SLIT1: variants seen among roughly 807,000 people sequenced by gnomAD.
SLIT1 encodes the protein slit guidance ligand 1.
In SLIT1, 66 loss-of-function variants were observed where a neutral mutation model predicts 186.1. The observed-to-expected ratio is 0.35, with a 90% CI of 0.29 to 0.44. SLIT1 has a LOEUF of 0.44. SLIT1 is among the 20% of genes least tolerant of loss of function. The pLI, the probability that SLIT1 is intolerant of heterozygous loss-of-function variation, is 1.00. For missense variants in SLIT1, 1,638 were observed against 2,037.4 expected (o/e 0.80, Z 3.77); for synonymous variants, 761 against 833.8 (o/e 0.91, Z 1.50).
chr10:97,014,922 G>A (rs1848442111), intron 28 of SLIT1, among the ~76,000 whole-genome samples: 1 of 151,912 alleles, frequency 6.6e-6, no homozygotes, highest in Non-Finnish European at 1.5e-5. Flanking sequence ...CTTCTATAGG[G>A]GCCCTGCCCA....
intron 4 of SLIT1, among the ~76,000 whole-genome samples, chr10:97,105,452 T>A (rs957539717): frequency 6.6e-6 from 1 of 152,168 alleles, no homozygotes; most frequent in Non-Finnish European, 1.5e-5. Context: ...CCCAAGGCCC[T>A]CCTTGCCAAG....
chr10:97,138,932 C>G (rs549242512), intron 4 of SLIT1, among the ~76,000 whole-genome samples: 4 of 152,338 alleles, frequency 2.6e-5, no homozygotes, highest in African/African-American at 9.6e-5. Context: ...TTACATCACC[C>G]TCTTGAGAAT....
intron 14 of SLIT1, among the ~76,000 whole-genome samples, chr10:97,048,495 C>T (rs1298428250): frequency 6.6e-6 from 1 of 152,182 alleles, no homozygotes; most frequent in East Asian, 1.9e-4. Context: ...AGAGAACTGG[C>T]TAAAAGTGGA....
intron 12 of SLIT1, among the ~76,000 whole-genome samples, chr10:97,056,910 C>G (rs1848842174): frequency 6.6e-6 from 1 of 152,178 alleles, no homozygotes; most frequent in South Asian, 2.1e-4. Context: ...CTGGGTGTCC[C>G]CCCTGCAGGA....
chr10:97,002,720 G>A lies in SLIT1; in HGVS notation c.4138C>T (p.Pro1380Ser). The A allele has an allele frequency of 6.3e-7, 1 of 1,581,652 alleles. No homozygotes were observed. The highest frequency in any genetic ancestry group is 1.1e-5 in the South Asian group (1 of 87,384). Residue 1380 changes from proline to serine, a missense_variant, in exon 35 of 37, where the codon CCC (proline) becomes TCC (serine). Pro to Ser is a moderately conservative substitution (Grantham distance 74, BLOSUM62 -1). Transcript: ENST00000266058. ...CAGGCTCACTTGTGGCCATGGCAGG[G>A]GCCGTCAGCGGGCTGGTCACAGTGC... ...GLHCDQPADGPCHGHKCVHGQ... is the reference protein window; with the variant it reads ...GLHCDQPADGSCHGHKCVHGQ...
intron 1 of SLIT1, among the ~76,000 whole-genome samples, chr10:97,169,256 C>T (rs1276815316): frequency 2.0e-5 from 3 of 152,318 alleles, no homozygotes; most frequent in Admixed American, 1.3e-4. Flanking sequence ...AGCTTAATGC[C>T]TCCTCTCAGG....
chr10:97,072,414 T>C (rs1027369706), intron 4 of SLIT1, among the ~76,000 whole-genome samples: 1 of 152,204 alleles, frequency 6.6e-6, no homozygotes, highest in Non-Finnish European at 1.5e-5. Flanking sequence ...TCCTCCCTCC[T>C]CAGCCTCCCA....
chr10:97,079,358 A>C (rs939532304), intron 4 of SLIT1, among the ~76,000 whole-genome samples: 1 of 152,188 alleles, frequency 6.6e-6, no homozygotes, highest in African/African-American at 2.4e-5. Flanking sequence ...TGCTGGTTAC[A>C]TGAGTGTGTT....
At chr10:97,155,517 G>A (rs1849938174) in intron 4 of SLIT1, 1 of 152,252 alleles carries the variant, frequency 6.6e-6, no homozygotes. Context: ...AAATGAATAT[G>A]GCTGGAGATG....
In SLIT1 at chr10:97,013,799, G is replaced by T; in HGVS notation, c.3145C>A (p.Pro1049Thr). Residue 1049 changes from proline to threonine, a missense_variant, in exon 30 of 37, where the codon CCG (proline) becomes ACG (threonine). Transcript: ENST00000266058. ...TCGTGTTGACATGGGTTCAGATCCG[G>T]AGAGCACAAGTCCACCAGCTGCTCA... ...ACEQLVDLCS[P>T]DLNPCQHEAQ... 1 of 1,551,618 alleles carries T rather than the reference G, an allele frequency of 6.4e-7. No individual in the cohort carries two copies. Among genetic ancestry groups the T allele is most frequent in the Non-Finnish European group, 8.7e-7 (1 of 1,146,952 alleles).
chr10:97,064,362 G>T, intron 6 of SLIT1, 123 bp from the exon 7 acceptor site: 1 of 788,946 alleles, frequency 1.3e-6, no homozygotes. Context: ...GGCTGGACAT[G>T]GAGGAGCTAA....
At position 97,004,868 on chromosome 10, in the gene SLIT1, A is replaced by G. The variant is rs755130993; in HGVS notation, c.3580-45T>C. The G allele has an allele frequency of 3.1e-6, 5 of 1,612,918 alleles. No homozygotes were observed. Among genetic ancestry groups the G allele is most frequent in the Non-Finnish European group, 4.2e-6 (5 of 1,179,164 alleles). On this transcript the variant is annotated intron_variant, in intron 32 of 36. Coordinates refer to ENST00000266058, the MANE Select transcript of SLIT1 (RefSeq NM_003061.3). The surrounding 1 kb of genome is among the most constrained non-coding windows in gnomAD (Gnocchi z 5.1). Reference sequence around the variant, plus strand: ...TCTCTCCCACCCCACCCCATGCAGCAGCGGCACAGGCTAGCAGATGGGGCA... The same window carrying G: ...TCTCTCCCACCCCACCCCATGCAGCGGCGGCACAGGCTAGCAGATGGGGCA...
chr10:97,169,553 A>AG (rs1247604264), intron 1 of SLIT1, among the ~76,000 whole-genome samples: 2 of 152,216 alleles, frequency 1.3e-5, no homozygotes, highest in Non-Finnish European at 2.9e-5. Context: ...GCAAGCTGCC[A>AG]GGGGAGACTG....
intron 26 of SLIT1, 88 bp from the exon 27 acceptor site, chr10:97,019,195 T>A (rs532278269): frequency 1.2e-6 from 1 of 833,520 alleles, no homozygotes; most frequent in South Asian, 1.6e-5. Context: ...GGAGCCCATG[T>A]CCAAGGAGCC....
Position 97,066,054 on chromosome 10 carries a change from G to C in SLIT1, c.446C>G (p.Pro149Arg), listed in dbSNP as rs1459814303. 1 of 1,606,456 alleles carries C rather than the reference G, an allele frequency of 6.2e-7. No individual in the cohort carries two copies. The highest frequency in any genetic ancestry group is 1.7e-5 in the Admixed American group (1 of 59,378). ...CGTAGCTCCCCGAAAAGCTTTCCTG[G>C]GGATGGCCTGGATGGCGTTCTCACT... ...DLSENAIQAI[P>R]RKAFRGATDL... Residue 149 changes from proline to arginine, a missense_variant, in exon 5 of 37, where the codon CCC (proline) becomes CGC (arginine). Around this residue, in one of 3 missense-constraint regions of SLIT1, gnomAD observed 1,245 missense variants for 1,535.3 expected, o/e 0.81. Coordinates refer to ENST00000266058, the MANE Select transcript of SLIT1 (RefSeq NM_003061.3).
intron 4 of SLIT1, among the ~76,000 whole-genome samples, chr10:97,084,592 T>C (rs1292414997): frequency 8.4e-5 from 9 of 106,650 alleles, no homozygotes; most frequent in Non-Finnish European, 1.8e-4. Context: ...TTATTTTCTT[T>C]TCTTCTCTTT....
rs560287549 is a variant in SLIT1, at chr10:97,111,189, C to CA, written c.414-45104dup. The stretch of plus-strand genomic sequence containing the variant: ...TGGGTGTCAGAGCAAGACTCTGTCT[C>CA]AAAAAAAAAAAGAAGAAAAGAAAAG... On this transcript the variant is annotated intron_variant, in intron 4 of 36. Transcript: ENST00000266058. Among the ~76,000 whole-genome samples the CA allele has an allele frequency of 9.2e-4, 119 of 129,600 alleles. 1 individual carries two copies. Among genetic ancestry groups the CA allele is most frequent in the Non-Finnish European group, 1.2e-3 (72 of 61,032 alleles). 85.0% of individuals were successfully genotyped at this position (129,600 alleles called of 152,430 possible).
chr10:97,167,321 T>C (rs1043824966), intron 1 of SLIT1, among the ~76,000 whole-genome samples: 2 of 152,200 alleles, frequency 1.3e-5, no homozygotes, highest in South Asian at 4.1e-4. Context: ...ACTGAGAATG[T>C]CATCATGAAG....
At chr10:97,124,353 G>A (rs535829406) in intron 4 of SLIT1, among the ~76,000 whole-genome samples, 2 of 152,324 alleles carry the variant, frequency 1.3e-5, no homozygotes, top group East Asian at 1.9e-4. Flanking sequence ...TTGGGCCCCA[G>A]GGAGGGGGGT....
Sources: gnomAD v4.1 joint callset for allele counts (sites outside exome capture counted in the v4.1 genomes callset) on GRCh38, gnomAD v4.1.1 for gene constraint, gnomAD v4.1.1 regional missense constraint, Gnocchi (gnomAD v3.1) non-coding constraint, MANE v1.5 for transcripts, NCBI Gene and HGNC (gene_info 2026-07-23, HGNC 2026-07-21) for gene names.